The following AGPS variants were observed in gnomAD, a reference collection of about 807,000 sequenced individuals.
AGPS encodes alkyldihydroxyacetonephosphate synthase, peroxisomal.
AGPS carries 26 observed loss-of-function variants against 90.7 expected under a neutral mutation model. The observed-to-expected ratio is 0.29, with a 90% confidence interval of 0.21 to 0.40. The LOEUF is 0.40. Among genes scored for constraint, AGPS ranks in the 10% least tolerant of loss-of-function variants. The pLI is 1.00. For missense variants in AGPS, 540 were observed against 816.1 expected (o/e 0.66, Z 4.12); for synonymous variants, 294 against 285.3 (o/e 1.03, Z -0.31).
At chr2:177,494,613 G>T (rs1471414037) in intron 12 of AGPS, among the ~76,000 whole-genome samples, 3 of 152,114 alleles carry the variant, frequency 2.0e-5, no homozygotes, top group Admixed American at 2.0e-4. Context: ...TAAAGTGAAG[G>T]TTTAAAGAAA....
chr2:177,433,151 T>C (rs1222615077), intron 2 of AGPS, among the ~76,000 whole-genome samples: 1 of 152,216 alleles, frequency 6.6e-6, no homozygotes, highest in Non-Finnish European at 1.5e-5. Flanking sequence ...AATATGTGTA[T>C]CTTTCATTTT....
At chr2:177,459,633 A>C (rs1687226284) in intron 8 of AGPS, among the ~76,000 whole-genome samples, 1 of 152,252 alleles carries the variant, frequency 6.6e-6, no homozygotes, top group African/African-American at 2.4e-5. Context: ...ATTTCACGCC[A>C]GTTAGAATGG....
chr2:177,501,341 C>G (rs901034791), intron 14 of AGPS, among the ~76,000 whole-genome samples: 2 of 152,068 alleles, frequency 1.3e-5, no homozygotes, highest in African/African-American at 4.8e-5. Flanking sequence ...TTAAGTATGG[C>G]TAGTAACTCA....
At chr2:177,508,419 A>G (rs548732517) in intron 16 of AGPS, among the ~76,000 whole-genome samples, 35 of 152,242 alleles carry the variant, frequency 2.3e-4, no homozygotes, top group Non-Finnish European at 4.3e-4. Flanking sequence ...CCTTTATAAT[A>G]TTATTTAGTT....
intron 19 of AGPS, among the ~76,000 whole-genome samples, chr2:177,528,231 G>T (rs1402305161): frequency 6.6e-6 from 1 of 152,166 alleles, no homozygotes; most frequent in Non-Finnish European, 1.5e-5. Context: ...ATTTTCTGCA[G>T]TAGCCTCCTA....
intron 12 of AGPS, among the ~76,000 whole-genome samples, chr2:177,495,873 A>G (rs1011974060): frequency 6.8e-6 from 1 of 147,666 alleles, no homozygotes; most frequent in Non-Finnish European, 1.5e-5. Flanking sequence ...AGCCGAGATC[A>G]CACCACTACT....
intron 15 of AGPS, 149 bp from the exon 16 acceptor site, chr2:177,507,821 T>A: frequency 5.9e-6 from 4 of 672,882 alleles, no homozygotes; most frequent in Non-Finnish European, 1.1e-5. Context: ...GGGACAACTT[T>A]TCAGTGCTCT....
At chr2:177,521,403 T>C in intron 18 of AGPS, 35 bp downstream of exon 18, 1 of 1,482,040 alleles carries the variant, frequency 6.7e-7, no homozygotes, top group Non-Finnish European at 9.4e-7. Context: ...CTTTTACAGC[T>C]GTTGATTAAT....
chr2:177,409,301 G>C (rs994703328), intron 1 of AGPS, among the ~76,000 whole-genome samples: 1 of 152,012 alleles, frequency 6.6e-6, no homozygotes, highest in African/African-American at 2.4e-5. Flanking sequence ...AGACCCAAAG[G>C]GGGTTGCCAC....
intron 5 of AGPS, among the ~76,000 whole-genome samples, chr2:177,439,101 A>T (rs919407793): frequency 3.9e-5 from 6 of 152,226 alleles, no homozygotes; most frequent in Non-Finnish European, 8.8e-5. Flanking sequence ...AAGAGTAAGG[A>T]CAATTACTTC....
At position 177,441,112 on chromosome 2, in the gene AGPS, C is replaced by A. The variant is rs1553510044; in HGVS notation, c.709+76C>A. 15 of 1,220,358 alleles carry A rather than the reference C, an allele frequency of 1.2e-5. No homozygotes were observed. The East Asian group carries it at 2.0e-4, about 17-fold the overall frequency. The allele number at this position is 1,220,358 out of a possible 1,614,324, so 75.6% of individuals were successfully genotyped here. A position where few individuals can be genotyped will look rare whatever the true frequency, so the allele number is the denominator to read the frequency against. On this transcript the variant is annotated intron_variant, in intron 6 of 19. Transcript: ENST00000264167. ...ATATTTGTATTTTAAATATTTGCGT[C>A]ACCCTACTGAAAACAAACATTATTG...
At chr2:177,467,222 G>A (rs563444627) in intron 9 of AGPS, among the ~76,000 whole-genome samples, 3 of 152,272 alleles carry the variant, frequency 2.0e-5, no homozygotes, top group African/African-American at 7.2e-5. Context: ...TGTTTCATCT[G>A]CTCTTTAAAT....
intron 8 of AGPS, 69 bp from the exon 9 acceptor site, chr2:177,461,824 G>A: frequency 7.0e-7 from 1 of 1,426,728 alleles, no homozygotes; most frequent in Non-Finnish European, 9.7e-7. Flanking sequence ...AGTGGGAGGA[G>A]TTAATGTGTT....
intron 8 of AGPS, among the ~76,000 whole-genome samples, chr2:177,459,296 G>C (rs191707137): frequency 6.6e-6 from 1 of 152,256 alleles, no homozygotes; most frequent in Admixed American, 6.5e-5. Context: ...AAAAGCAATG[G>C]CAACAAAAGC....
At chr2:177,439,935 G>T (rs559486738) in intron 5 of AGPS, among the ~76,000 whole-genome samples, 6 of 152,164 alleles carry the variant, frequency 3.9e-5, no homozygotes, top group African/African-American at 1.4e-4. Flanking sequence ...TTCCAGTCAG[G>T]TTTTTGTTAC....
intron 19 of AGPS, among the ~76,000 whole-genome samples, chr2:177,529,421 C>T (rs1488170406): frequency 1.3e-5 from 2 of 151,960 alleles, no homozygotes; most frequent in African/African-American, 4.8e-5. Flanking sequence ...AGTGAGCTGG[C>T]ATCGCACCAC....
At chr2:177,480,012 C>G (rs1376060875) in intron 10 of AGPS, among the ~76,000 whole-genome samples, 2 of 152,086 alleles carry the variant, frequency 1.3e-5, no homozygotes, top group African/African-American at 4.8e-5. Flanking sequence ...GAAACCCCGT[C>G]TCTACTAAAA....
chr2:177,472,053 G>A (rs1687638935), intron 10 of AGPS, among the ~76,000 whole-genome samples: 1 of 150,986 alleles, frequency 6.6e-6, no homozygotes, highest in Non-Finnish European at 1.5e-5. Context: ...CTTTCTATTT[G>A]TAGATTCAGG....
At chr2:177,516,068 G>T (rs1175406085) in intron 17 of AGPS, among the ~76,000 whole-genome samples, 3 of 152,022 alleles carry the variant, frequency 2.0e-5, no homozygotes, top group Non-Finnish European at 4.4e-5. Context: ...TCAGCATCAC[G>T]CAATATTCCC....
Sources: gnomAD v4.1 joint callset for allele counts (sites outside exome capture counted in the v4.1 genomes callset) on GRCh38, gnomAD v4.1.1 for gene constraint, MANE v1.5 for transcripts, NCBI Gene and HGNC (gene_info 2026-07-23, HGNC 2026-07-21) for gene names.